The following CHD7 variants were observed in gnomAD, a reference collection of about 807,000 sequenced individuals.
CHD7 encodes the protein ATP-dependent chromatin remodeler CHD7.
CHD7 carries 24 observed loss-of-function variants against 307.3 expected under a neutral mutation model. That is an observed-to-expected ratio of 0.08 (90% confidence interval 0.06 to 0.11). CHD7 has a LOEUF of 0.11. Among genes scored for constraint, CHD7 ranks in the 10% least tolerant of loss-of-function variants. The pLI, the probability that CHD7 is intolerant of heterozygous loss-of-function variation, is 1.00. For missense variants in CHD7, 3,106 were observed against 3,727.1 expected (o/e 0.83, Z 4.34); for synonymous variants, 1,363 against 1,349.9 (o/e 1.01, Z -0.21).
At chr8:60,736,680 A>G (rs1041642636) in intron 1 of CHD7, among the ~76,000 whole-genome samples, 22 of 152,344 alleles carry the variant, frequency 1.4e-4, no homozygotes, top group African/African-American at 5.1e-4. Flanking sequence ...AGTATCCAAT[A>G]GGCAAATGTC....
At chr8:60,737,680 T>C (rs1402542276) in intron 1 of CHD7, among the ~76,000 whole-genome samples, 2 of 152,248 alleles carry the variant, frequency 1.3e-5, no homozygotes, top group Admixed American at 6.5e-5. Flanking sequence ...AATAGGGCAC[T>C]GAGTAGAAAC....
intron 14 of CHD7, among the ~76,000 whole-genome samples, chr8:60,829,166 T>A (rs1466861214): frequency 6.6e-6 from 1 of 152,182 alleles, no homozygotes; most frequent in Non-Finnish European, 1.5e-5. Flanking sequence ...CCTGCTGCAG[T>A]TTTGAGTCTC....
At chr8:60,716,014 C>T (rs6471896) in intron 1 of CHD7, among the ~76,000 whole-genome samples, 124,886 of 152,162 alleles carry the variant, frequency 0.82, 51,568 homozygotes, top group East Asian at 0.94. Flanking sequence ...ACCATTGTTT[C>T]CAGAACCTTC....
chr8:60,689,754 T>C (rs1291619668), intron 1 of CHD7, among the ~76,000 whole-genome samples: 1 of 152,238 alleles, frequency 6.6e-6, no homozygotes, highest in Non-Finnish European at 1.5e-5. Context: ...GGCAGACATT[T>C]TCAACCTGAA....
chr8:60,772,482 T>C (rs188926805), intron 2 of CHD7, among the ~76,000 whole-genome samples: 20 of 152,314 alleles, frequency 1.3e-4, no homozygotes, highest in Admixed American at 1.0e-3. Context: ...ATGCAAAGCG[T>C]TTTGACCAGC....
At chr8:60,679,149 T>TC (rs1236094693) in intron 1 of CHD7, 67 bp downstream of exon 1, 1 of 155,386 alleles carries the variant, frequency 6.4e-6, no homozygotes, top group Non-Finnish European at 1.4e-5. Context: ...AGGAAATCGC[T>TC]CCGGGCCGGG....
intron 1 of CHD7, among the ~76,000 whole-genome samples, chr8:60,698,656 A>C (rs908318128): frequency 1.3e-5 from 2 of 152,238 alleles, no homozygotes; most frequent in Non-Finnish European, 2.9e-5. Flanking sequence ...CATTCATTGA[A>C]TTGAACTATA....
intron 34 of CHD7, 138 bp downstream of exon 34, chr8:60,857,026 C>A: frequency 2.8e-6 from 2 of 704,502 alleles, no homozygotes; most frequent in Non-Finnish European, 2.3e-6. Flanking sequence ...AATAGTTTTA[C>A]AATAAACAGT....
At chr8:60,696,484 A>T (rs997242259) in intron 1 of CHD7, among the ~76,000 whole-genome samples, 7 of 152,208 alleles carry the variant, frequency 4.6e-5, no homozygotes, top group Admixed American at 3.9e-4. Context: ...TTCAGCTGTG[A>T]CATGGGAGCA....
intron 32 of CHD7, 85 bp from the exon 33 acceptor site, chr8:60,855,890 C>A: frequency 1.1e-6 from 1 of 881,436 alleles, no homozygotes; most frequent in Non-Finnish European, 1.8e-6. Context: ...ATTTTATGCT[C>A]TTTTGCATCT....
At chr8:60,753,172 T>A (rs1809720387) in intron 2 of CHD7, among the ~76,000 whole-genome samples, 2 of 152,226 alleles carry the variant, frequency 1.3e-5, no homozygotes, top group Admixed American at 6.5e-5. Flanking sequence ...AGTAAGATGC[T>A]AAGTAGTATT....
chr8:60,814,467 A>C (rs1317619659), intron 7 of CHD7, among the ~76,000 whole-genome samples: 1 of 152,190 alleles, frequency 6.6e-6, no homozygotes, highest in Non-Finnish European at 1.5e-5. Context: ...GGCAGGGGGA[A>C]GAGGGTCTCC....
intron 2 of CHD7, among the ~76,000 whole-genome samples, chr8:60,752,596 C>T (rs1809693469): frequency 6.6e-6 from 1 of 152,058 alleles, no homozygotes; most frequent in South Asian, 2.1e-4. Flanking sequence ...TCTAAATGTG[C>T]TCTTTAATGA....
chr8:60,782,449 T>TG (rs1811295968), intron 3 of CHD7, among the ~76,000 whole-genome samples: 1 of 152,216 alleles, frequency 6.6e-6, no homozygotes, highest in Middle Eastern at 3.2e-3. Flanking sequence ...AGGACAAACT[T>TG]GGACTTGCAA....
At chr8:60,748,849 A>G (rs1413637167) in intron 2 of CHD7, among the ~76,000 whole-genome samples, 2 of 152,172 alleles carry the variant, frequency 1.3e-5, no homozygotes, top group East Asian at 3.8e-4. Flanking sequence ...AATAACAGTC[A>G]TCATGAAACG....
chr8:60,696,953 T>C (rs1163620493), intron 1 of CHD7, among the ~76,000 whole-genome samples: 3 of 152,150 alleles, frequency 2.0e-5, no homozygotes, highest in Non-Finnish European at 4.4e-5. Flanking sequence ...CCACTTTTTT[T>C]TTAAAGTTTC....
chr8:60,709,542 T>C (rs1807182588), intron 1 of CHD7, among the ~76,000 whole-genome samples: 1 of 152,208 alleles, frequency 6.6e-6, no homozygotes, highest in African/African-American at 2.4e-5. Flanking sequence ...TCTGACTAGA[T>C]TGAGTTCATG....
chr8:60,749,008 A>G (rs945508928), intron 2 of CHD7, among the ~76,000 whole-genome samples: 1 of 151,670 alleles, frequency 6.6e-6, no homozygotes, highest in African/African-American at 2.4e-5. Context: ...CCTTTCAGGG[A>G]AAACCTTTTA....
chr8:60,734,160 A>T (rs139803947), intron 1 of CHD7, among the ~76,000 whole-genome samples: 46 of 152,284 alleles, frequency 3.0e-4, no homozygotes, highest in African/African-American at 1.0e-3. Context: ...TTTGTTGTTG[A>T]TCCATTATAT....
Sources: gnomAD v4.1 joint callset for allele counts (sites outside exome capture counted in the v4.1 genomes callset) on GRCh38, gnomAD v4.1.1 for gene constraint, MANE v1.5 for transcripts, NCBI Gene and HGNC (gene_info 2026-07-23, HGNC 2026-07-21) for gene names.